Variants in AGMO observed in about 807,000 individuals in gnomAD.
AGMO encodes the protein alkylglycerol monooxygenase.
AGMO carries 75 observed loss-of-function variants against 60.2 expected under a neutral mutation model. That is an observed-to-expected ratio of 1.25 (90% confidence interval 1.03 to 1.51). AGMO has a LOEUF of 1.51. AGMO is among the 40% of genes most tolerant of loss of function. AGMO has a pLI of 0.00. For missense variants in AGMO, 763 were observed against 525.5 expected (o/e 1.45, Z -4.42); for synonymous variants, 261 against 177.1 (o/e 1.47, Z -3.76).
At chr7:15,526,195 G>A (rs1405263672) in intron 3 of AGMO, among the ~76,000 whole-genome samples, 6 of 152,184 alleles carry the variant, frequency 3.9e-5, no homozygotes, top group African/African-American at 7.2e-5. Context: ...GGGCAGGGGC[G>A]TTGCTGGCCG....
chr7:15,321,842 T>C (rs1781117670), intron 12 of AGMO, among the ~76,000 whole-genome samples: 1 of 152,104 alleles, frequency 6.6e-6, no homozygotes, highest in African/African-American at 2.4e-5. Flanking sequence ...TAGTCGATTT[T>C]TCTATACTTT....
At chr7:15,154,915 A>C in the AGMO span, among the ~76,000 whole-genome samples, 1 of 152,302 alleles carries the variant, frequency 6.6e-6, no homozygotes, top group Admixed American at 6.5e-5. Flanking sequence ...AAAGATGCTG[A>C]ATATAGGCTT....
At chr7:15,385,629 A>G (rs1783879822) in intron 9 of AGMO, 67 bp from the exon 10 acceptor site, 2 of 889,556 alleles carry the variant, frequency 2.2e-6, no homozygotes, top group African/African-American at 1.7e-5. Context: ...AATTCACACT[A>G]AGAGATATTT....
intron 2 of AGMO, among the ~76,000 whole-genome samples, chr7:15,551,153 T>C (rs150344855): frequency 0.01 from 1,591 of 152,312 alleles, 12 homozygotes; most frequent in African/African-American, 0.036. Context: ...AATTAGATAT[T>C]GATGGGACGT....
chr7:15,264,736 A>T (rs1036007866), intron 12 of AGMO, among the ~76,000 whole-genome samples: 1 of 152,150 alleles, frequency 6.6e-6, no homozygotes, highest in Non-Finnish European at 1.5e-5. Flanking sequence ...GTGAAATACC[A>T]TCTCATACCA....
intron 10 of AGMO, among the ~76,000 whole-genome samples, chr7:15,380,271 C>G (rs1348333973): frequency 6.6e-6 from 1 of 152,078 alleles, no homozygotes; most frequent in Non-Finnish European, 1.5e-5. Context: ...CCCATGGTGT[C>G]AACCCAAAAG....
At chr7:15,270,443 G>A (rs544010133) in intron 12 of AGMO, among the ~76,000 whole-genome samples, 8 of 151,900 alleles carry the variant, frequency 5.3e-5, no homozygotes, top group South Asian at 2.1e-4. Flanking sequence ...GTCTGTTCAT[G>A]TCCTTTGCCC....
At chr7:15,127,304 A>G in the AGMO span, among the ~76,000 whole-genome samples, 1 of 152,164 alleles carries the variant, frequency 6.6e-6, no homozygotes, top group Admixed American at 6.6e-5. Flanking sequence ...ACATATAAAT[A>G]AATGATTTTA....
At chr7:15,206,307 A>C (rs1781438606) in intron 12 of AGMO, among the ~76,000 whole-genome samples, 1 of 152,074 alleles carries the variant, frequency 6.6e-6, no homozygotes, top group African/African-American at 2.4e-5. Context: ...CTTACAAGAA[A>C]TTGAGAATTG....
intron 3 of AGMO, among the ~76,000 whole-genome samples, chr7:15,544,508 A>G (rs987664375): frequency 2.6e-5 from 4 of 152,202 alleles, no homozygotes; most frequent in Non-Finnish European, 5.9e-5. Context: ...TAAAAATACA[A>G]TGCTATAGCC....
intron 3 of AGMO, among the ~76,000 whole-genome samples, chr7:15,447,348 C>T (rs886358684): frequency 1.3e-5 from 2 of 152,110 alleles, no homozygotes; most frequent in Non-Finnish European, 1.5e-5. Flanking sequence ...GCTATACCTC[C>T]ACCCCTATGG....
chr7:15,443,081 A>G (rs1353486947), intron 3 of AGMO, among the ~76,000 whole-genome samples: 2 of 152,210 alleles, frequency 1.3e-5, no homozygotes, highest in Non-Finnish European at 2.9e-5. Flanking sequence ...CTTCCACTCA[A>G]TAAAACCTTG....
intron 12 of AGMO, among the ~76,000 whole-genome samples, chr7:15,204,424 T>C (rs1415142553): frequency 6.6e-6 from 1 of 152,190 alleles, no homozygotes; most frequent in Non-Finnish European, 1.5e-5. Flanking sequence ...GAATTCCTAC[T>C]TAGGCTAGTG....
intron 2 of AGMO, among the ~76,000 whole-genome samples, chr7:15,555,286 TATATATACACACACACAC>T (rs1352263820): frequency 2.0e-5 from 2 of 100,392 alleles, no homozygotes; most frequent in East Asian, 5.5e-4. Context: ...TATATATATA[TATATATACACACACACAC>T]ACACACACAC....
At chr7:15,449,115 A>G (rs1205576509) in intron 3 of AGMO, among the ~76,000 whole-genome samples, 1 of 152,146 alleles carries the variant, frequency 6.6e-6, no homozygotes, top group Non-Finnish European at 1.5e-5. Flanking sequence ...AGATGGAAAA[A>G]GAAGAGCAAC....
chr7:15,229,089 T>C (rs974914032), intron 12 of AGMO, among the ~76,000 whole-genome samples: 2 of 152,110 alleles, frequency 1.3e-5, no homozygotes, highest in East Asian at 1.9e-4. Flanking sequence ...GCCTACACTT[T>C]AGGTAATGCT....
chr7:15,373,825 GT>G (rs1379826784), intron 10 of AGMO, among the ~76,000 whole-genome samples: 2 of 152,144 alleles, frequency 1.3e-5, no homozygotes, highest in Non-Finnish European at 2.9e-5. Flanking sequence ...TACGTTTTTA[GT>G]AGTTTCTCTA....
At chr7:15,488,473 T>A (rs1424732568) in intron 3 of AGMO, among the ~76,000 whole-genome samples, 1 of 152,134 alleles carries the variant, frequency 6.6e-6, no homozygotes, top group Non-Finnish European at 1.5e-5. Context: ...GCTAGCAGCC[T>A]CAATAAATTT....
At chr7:15,430,022 T>A (rs1781181553) in intron 4 of AGMO, among the ~76,000 whole-genome samples, 1 of 151,942 alleles carries the variant, frequency 6.6e-6, no homozygotes. Context: ...TTTCCTTTAT[T>A]AGTGGTGTGA....
Sources: allele counts gnomAD v4.1 joint callset (sites outside exome capture counted in the v4.1 genomes callset), GRCh38; gene constraint gnomAD v4.1.1; transcripts MANE v1.5; gene names NCBI Gene and HGNC (gene_info 2026-07-23, HGNC 2026-07-21).